Variants in RIMS1 observed in about 807,000 individuals in gnomAD.
RIMS1 encodes regulating synaptic membrane exocytosis 1.
In RIMS1, 83 loss-of-function variants were observed where a neutral mutation model predicts 214.1. The observed-to-expected ratio is 0.39, with a 90% CI of 0.32 to 0.47. The LOEUF (loss-of-function observed/expected upper bound fraction) is 0.47, where lower values mean the gene tolerates loss of function less well. Ranked by LOEUF, RIMS1 falls within the 20% of genes least tolerant of loss-of-function variation. The pLI is 0.99. For synonymous variants in RIMS1, 793 were observed against 786.8 expected (o/e 1.01, Z -0.13); for missense variants, 2,050 against 2,161.8 (o/e 0.95, Z 1.03).
At chr6:72,369,349 A>G (rs2098142344) in intron 29 of RIMS1, among the ~76,000 whole-genome samples, 1 of 152,100 alleles carries the variant, frequency 6.6e-6, no homozygotes, top group African/African-American at 2.4e-5. Context: ...TGGGAAGTTC[A>G]TAGGAGGCCG....
At chr6:72,224,551 G>T (rs1455296437) in intron 6 of RIMS1, among the ~76,000 whole-genome samples, 1 of 152,098 alleles carries the variant, frequency 6.6e-6, no homozygotes, top group African/African-American at 2.4e-5. Context: ...CCAACATGAA[G>T]ATATTTTTAA....
chr6:72,303,322 A>G (rs1451063247), intron 26 of RIMS1, among the ~76,000 whole-genome samples: 1 of 150,820 alleles, frequency 6.6e-6, no homozygotes, highest in Non-Finnish European at 1.5e-5. Flanking sequence ...ATCTAGAAAA[A>G]TGCATATAGG....
intron 2 of RIMS1, 67 bp downstream of exon 2, chr6:71,969,130 A>G (rs1795190454): frequency 6.9e-7 from 1 of 1,456,858 alleles, no homozygotes; most frequent in Admixed American, 1.7e-5. Flanking sequence ...TTACAGATTT[A>G]TTCACATTGC....
intron 29 of RIMS1, among the ~76,000 whole-genome samples, chr6:72,360,873 A>G (rs1564508047): frequency 6.7e-6 from 1 of 149,952 alleles, no homozygotes; most frequent in South Asian, 2.1e-4. Context: ...AGGTGAGAAC[A>G]TAATAATGGG....
At chr6:72,200,142 T>C (rs1197518046) in intron 6 of RIMS1, among the ~76,000 whole-genome samples, 6 of 152,142 alleles carry the variant, frequency 3.9e-5, no homozygotes, top group African/African-American at 1.4e-4. Flanking sequence ...CCATAATTGG[T>C]ATTTTAGCAA....
intron 9 of RIMS1, among the ~76,000 whole-genome samples, chr6:72,239,176 TTAAC>T (rs943340741): frequency 3.9e-5 from 6 of 152,168 alleles, no homozygotes; most frequent in East Asian, 1.9e-4. Flanking sequence ...TAAAATAACT[TTAAC>T]TACAGAAACC....
chr6:72,350,435 C>T (rs1480778438), intron 29 of RIMS1, among the ~76,000 whole-genome samples: 1 of 152,090 alleles, frequency 6.6e-6, no homozygotes, highest in Non-Finnish European at 1.5e-5. Flanking sequence ...CTGGAGGCAA[C>T]AGCATGTCTT....
intron 2 of RIMS1, among the ~76,000 whole-genome samples, 173 bp downstream of exon 2, chr6:71,969,236 T>G (rs1795215447): frequency 6.6e-6 from 1 of 152,258 alleles, no homozygotes; most frequent in Non-Finnish European, 1.5e-5. Flanking sequence ...TTAATATTTT[T>G]GTTAAGTGAT....
chr6:72,222,005 G>C (rs190004355), intron 6 of RIMS1, among the ~76,000 whole-genome samples: 16 of 151,992 alleles, frequency 1.1e-4, no homozygotes, highest in African/African-American at 3.1e-4. Context: ...CATATTTACT[G>C]TCTTTGTGAG....
intron 29 of RIMS1, among the ~76,000 whole-genome samples, chr6:72,338,641 A>G (rs2096931383): frequency 6.6e-6 from 1 of 151,992 alleles, no homozygotes. Context: ...CAACCCCATC[A>G]AAAAGTGGGC....
intron 1 of RIMS1, among the ~76,000 whole-genome samples, chr6:71,940,546 A>G (rs561035001): frequency 6.6e-6 from 1 of 152,326 alleles, no homozygotes; most frequent in South Asian, 2.1e-4. Context: ...TGTACTGTGC[A>G]GAGTTAAATG....
intron 3 of RIMS1, among the ~76,000 whole-genome samples, chr6:72,098,023 A>C (rs1474698458): frequency 6.6e-6 from 1 of 152,194 alleles, no homozygotes; most frequent in Non-Finnish European, 1.5e-5. Context: ...GAACAGTTAC[A>C]AGCATGTAGC....
chr6:71,970,722 G>T (rs997896985), intron 2 of RIMS1, among the ~76,000 whole-genome samples: 2 of 152,156 alleles, frequency 1.3e-5, no homozygotes, highest in African/African-American at 4.8e-5. Context: ...CAGTCTCTTT[G>T]CTCACTCAAT....
chr6:71,917,108 A>T (rs6932413), intron 1 of RIMS1, among the ~76,000 whole-genome samples: 104,876 of 152,014 alleles, frequency 0.69, 36,300 homozygotes, highest in African/African-American at 0.73. Flanking sequence ...TATATGTAAA[A>T]TGGTAATAAT....
rs2045674835 is a variant in RIMS1, at chr6:72,162,961, T to C, written c.472-16614T>C. 1.5e-5 allele frequency among the ~76,000 whole-genome samples: 2 copies of C among 135,540 alleles called. 1 individual carries two copies. Among genetic ancestry groups the C allele is most frequent in the Non-Finnish European group, 3.4e-5 (2 of 58,754 alleles). 88.9% of individuals were successfully genotyped at this position (135,540 alleles called of 152,430 possible). ...CCTTGCCAGATTGGGGAAGTTCTCC[T>C]GGATAATATCCTGCAGAGTGTTTTC... On this transcript the variant is annotated intron_variant, in intron 4 of 33. Coordinates refer to ENST00000521978, the MANE Select transcript of RIMS1 (RefSeq NM_014989.7).
intron 29 of RIMS1, among the ~76,000 whole-genome samples, chr6:72,338,292 G>A (rs574284974): frequency 1.3e-5 from 2 of 151,858 alleles, no homozygotes; most frequent in Admixed American, 1.3e-4. Context: ...TTTAACTGGT[G>A]TAAGATGGTA....
In RIMS1 at chr6:72,313,666, G is replaced by A; in HGVS notation, c.4124G>A (p.Arg1375Lys). Residue 1375 changes from arginine to lysine, a missense_variant, in exon 28 of 34, where the codon AGA (arginine) becomes AAA (lysine). Transcript: ENST00000521978. ...MSEQSERPRG[R>K]ISSFTPKMQG... ...GAGCAATCTGAGCGCCCCAGGGGTA[G>A]AATCAGGTGAGTTGGCAATACTGTT... The A allele has an allele frequency of 6.2e-7, 1 of 1,611,596 alleles. No individual in the cohort carries two copies. Among genetic ancestry groups the A allele is most frequent in the Non-Finnish European group, 8.5e-7 (1 of 1,178,600 alleles).
intron 26 of RIMS1, among the ~76,000 whole-genome samples, chr6:72,303,955 A>G (rs1005349164): frequency 6.6e-6 from 1 of 151,644 alleles, no homozygotes; most frequent in African/African-American, 2.4e-5. Context: ...GCTGAAATAT[A>G]GTCTATAGTA....
At chr6:72,111,782 C>T (rs2036142551) in intron 4 of RIMS1, among the ~76,000 whole-genome samples, 2 of 152,136 alleles carry the variant, frequency 1.3e-5, no homozygotes, top group South Asian at 2.1e-4. Context: ...GGGCCACTCC[C>T]ACTCTAGCAT....
Sources: gnomAD v4.1 joint callset for allele counts (sites outside exome capture counted in the v4.1 genomes callset) on GRCh38, gnomAD v4.1.1 for gene constraint, MANE v1.5 for transcripts, NCBI Gene and HGNC (gene_info 2026-07-23, HGNC 2026-07-21) for gene names.